Variants in APBB2 observed in about 807,000 individuals in gnomAD.
APBB2 encodes the protein amyloid beta precursor protein binding family B member 2, also known as Fe65-like 1.
APBB2 carries 38 observed loss-of-function variants against 82.5 expected under a neutral mutation model. That is an observed-to-expected ratio of 0.46 (90% confidence interval 0.36 to 0.60). The LOEUF is 0.60. APBB2 is among the 20% of genes least tolerant of loss of function. The pLI, the probability that APBB2 is intolerant of heterozygous loss-of-function variation, is 0.00. For synonymous variants in APBB2, 341 were observed against 368.2 expected (o/e 0.93, Z 0.85); for missense variants, 772 against 972.3 (o/e 0.79, Z 2.74).
chr4:40,847,808 CTT>C (rs530566684), intron 12 of APBB2, among the ~76,000 whole-genome samples: 22 of 141,138 alleles, frequency 1.6e-4, no homozygotes, highest in Admixed American at 1.4e-4. Context: ...TTTTTGCTTG[CTT>C]TTTTTTTTTT....
intron 12 of APBB2, among the ~76,000 whole-genome samples, chr4:40,885,814 G>A (rs565150752): frequency 2.1e-4 from 32 of 152,280 alleles, no homozygotes; most frequent in Admixed American, 7.2e-4. Flanking sequence ...CCGAGGAAAC[G>A]GTCCAGCCAA....
intron 2 of APBB2, among the ~76,000 whole-genome samples, chr4:41,114,676 T>C (rs1402399797): frequency 1.3e-5 from 2 of 152,038 alleles, no homozygotes; most frequent in Non-Finnish European, 2.9e-5. Flanking sequence ...TATACACCAA[T>C]AATAGACGAA....
chr4:40,893,241 T>C, intron 11 of APBB2, 24 bp downstream of exon 11: 1 of 1,610,222 alleles, frequency 6.2e-7, no homozygotes, highest in Non-Finnish European at 8.5e-7. Flanking sequence ...CAGCCTGCCG[T>C]GCATCATTCT....
intron 6 of APBB2, among the ~76,000 whole-genome samples, chr4:40,985,179 G>A (rs1284627978): frequency 6.6e-6 from 1 of 151,854 alleles, no homozygotes; most frequent in Non-Finnish European, 1.5e-5. Context: ...CCTCCAACGT[G>A]TTGGGATTAC....
chr4:40,984,441 A>C (rs1799887586), intron 6 of APBB2, among the ~76,000 whole-genome samples: 1 of 152,202 alleles, frequency 6.6e-6, no homozygotes, highest in African/African-American at 2.4e-5. Context: ...TTTTGAAAGA[A>C]GTTAAGTGGT....
rs1041550121 is a variant in APBB2 at position 41,214,436 on chromosome 4, G to C, written c.-448C>G. 4 of 152,450 alleles carry C rather than the reference G, an allele frequency of 2.6e-5. No homozygotes were observed. The South Asian group carries it at 8.3e-4, about 31-fold the overall frequency. 9.4% of individuals were successfully genotyped at this position (152,450 alleles called of 1,614,324 possible). On this transcript the variant is annotated 5_prime_UTR_variant, in exon 1 of 18. Coordinates refer to ENST00000508593, the MANE Select transcript of APBB2 (RefSeq NM_004307.2). Reference sequence around the variant, plus strand: ...TGCGCGCGGCGCTCGCCTCGGCTCCGGCGCCCAGCGGCTCTGCTCCAGTCT... The same window carrying C: ...TGCGCGCGGCGCTCGCCTCGGCTCCCGCGCCCAGCGGCTCTGCTCCAGTCT...
At chr4:41,138,992 G>T (rs1187495093) in intron 2 of APBB2, among the ~76,000 whole-genome samples, 2 of 151,986 alleles carry the variant, frequency 1.3e-5, no homozygotes, top group East Asian at 3.8e-4. Context: ...GCATCAAAAA[G>T]AGAAAAATAC....
intron 12 of APBB2, among the ~76,000 whole-genome samples, chr4:40,836,100 C>A (rs1298147445): frequency 1.3e-5 from 2 of 152,126 alleles, no homozygotes; most frequent in Non-Finnish European, 2.9e-5. Context: ...TGGGACCCTG[C>A]ACTGAGGCCT....
rs375779052 is a variant in APBB2, at chr4:40,905,067, T to C, written c.1255-11656A>G. Among the ~76,000 whole-genome samples, 47 of 152,320 alleles carry C rather than the reference T, an allele frequency of 3.1e-4. No individual in the cohort carries two copies. In the East Asian group the frequency reaches 5.0e-3, roughly 16 times the overall value. ...AGACACATAACTGGAAAAGCTCCCC[T>C]GATGTTAACCTCTGACAGGCCCTTC... On this transcript the variant is annotated intron_variant, in intron 10 of 17. Transcript: ENST00000508593.
Position 40,813,287 on chromosome 4 carries a change from A to AAAAT in APBB2, c.*2801_*2804dup, listed in dbSNP as rs1744787633. ...CACAATAATGCAGTATATTTCAGTA[A>AAAAT]AAATAGAATAAATAAAATAAAAATA... On this transcript the variant is annotated 3_prime_UTR_variant, in exon 18 of 18. Transcript: ENST00000508593. 6.6e-6 allele frequency: 1 copy of AAAAT among 152,226 alleles called. No homozygotes were observed. The highest frequency in any genetic ancestry group is 1.5e-5 in the Non-Finnish European group (1 of 68,046). The allele number at this position is 152,226 out of a possible 1,614,324, so 9.4% of individuals were successfully genotyped here.
chr4:40,982,387 G>GAAGGAAAGGA (rs1553894023), intron 6 of APBB2, among the ~76,000 whole-genome samples: 3 of 11,008 alleles, frequency 2.7e-4, no homozygotes, highest in Admixed American at 1.3e-3. Flanking sequence ...AGGAAGGAAG[G>GAAGGAAAGGA]AAGGAAAGGA....
chr4:41,120,541 G>A (rs1193809343), intron 2 of APBB2, among the ~76,000 whole-genome samples: 2 of 152,184 alleles, frequency 1.3e-5, no homozygotes, highest in Non-Finnish European at 2.9e-5. Flanking sequence ...TAATGTTTAA[G>A]TTTTATAACA....
intron 12 of APBB2, among the ~76,000 whole-genome samples, chr4:40,853,531 C>T (rs62410275): frequency 0.018 from 2,697 of 152,086 alleles, 39 homozygotes; most frequent in Middle Eastern, 0.058. Flanking sequence ...CTCACTGCAA[C>T]CTCCGCCTCC....
At chr4:40,879,345 T>C (rs940398590) in intron 12 of APBB2, among the ~76,000 whole-genome samples, 1 of 152,044 alleles carries the variant, frequency 6.6e-6, no homozygotes, top group Non-Finnish European at 1.5e-5. Flanking sequence ...ATAATTCTCC[T>C]ACATTCTCAT....
intron 6 of APBB2, among the ~76,000 whole-genome samples, chr4:40,971,406 T>A (rs1275028723): frequency 6.6e-6 from 1 of 152,226 alleles, no homozygotes; most frequent in Non-Finnish European, 1.5e-5. Context: ...ATTCTCTACT[T>A]ATTCATTCGA....
At chr4:41,144,184 G>A (rs889176530) in intron 1 of APBB2, among the ~76,000 whole-genome samples, 1 of 152,104 alleles carries the variant, frequency 6.6e-6, no homozygotes, top group Non-Finnish European at 1.5e-5. Context: ...TCAGATACTG[G>A]GTCCACAGTT....
At chr4:41,086,042 G>T (rs1739535052) in intron 3 of APBB2, among the ~76,000 whole-genome samples, 1 of 152,040 alleles carries the variant, frequency 6.6e-6, no homozygotes, top group African/African-American at 2.4e-5. Flanking sequence ...AGGATTATAG[G>T]AGTATAATTA....
At chr4:40,993,716 G>T (rs1422500618) in intron 6 of APBB2, among the ~76,000 whole-genome samples, 1 of 151,922 alleles carries the variant, frequency 6.6e-6, no homozygotes, top group South Asian at 2.1e-4. Context: ...AAAAACAAAA[G>T]AAAATATTAT....
rs1417583296 is a variant in APBB2 at position 40,832,429 on chromosome 4, T to G, written c.1530-1852A>C. ...GCTTTAATCACCGGCAATCCACACATGACCCCAACATTTCTCCTCCCAACC... is the reference window on the plus strand; with the variant it reads ...GCTTTAATCACCGGCAATCCACACAGGACCCCAACATTTCTCCTCCCAACC... On this transcript the variant is annotated intron_variant, in intron 12 of 17. Transcript: ENST00000508593. This position sits in a 1 kb window ranked among gnomAD's most constrained non-coding sequence, Gnocchi z 4.8. 6.6e-6 allele frequency among the ~76,000 whole-genome samples: 1 copy of G among 152,148 alleles called. No homozygotes were observed. Among genetic ancestry groups the G allele is most frequent in the Non-Finnish European group, 1.5e-5 (1 of 68,018 alleles).
Sources: allele counts gnomAD v4.1 joint callset (sites outside exome capture counted in the v4.1 genomes callset), GRCh38; gene constraint gnomAD v4.1.1; non-coding constraint Gnocchi (gnomAD v3.1); transcripts MANE v1.5; gene names NCBI Gene and HGNC (gene_info 2026-07-23, HGNC 2026-07-21).